PTPRD: variants seen among roughly 807,000 people sequenced by gnomAD.
The protein encoded by PTPRD is receptor-type tyrosine-protein phosphatase delta.
PTPRD carries 34 observed loss-of-function variants against 214.5 expected under a neutral mutation model. The observed-to-expected ratio is 0.16, with a 90% confidence interval of 0.12 to 0.21. The LOEUF (loss-of-function observed/expected upper bound fraction) is 0.21. Ranked by LOEUF, PTPRD falls within the 10% of genes least tolerant of loss-of-function variation. The pLI, the probability that PTPRD is intolerant of heterozygous loss-of-function variation, is 1.00. For missense variants in PTPRD, 2,545 were observed against 2,398.7 expected (o/e 1.06, Z -1.27); for synonymous variants, 1,128 against 845.7 (o/e 1.33, Z -5.79).
At chr9:9,499,143 G>A (rs1437497335) in intron 8 of PTPRD, among the ~76,000 whole-genome samples, 2 of 151,990 alleles carry the variant, frequency 1.3e-5, no homozygotes, top group Non-Finnish European at 1.5e-5. Context: ...AAATCCTATT[G>A]TTTCTCTTCA....
At chr9:10,485,671 C>A (rs1589236877) in intron 2 of PTPRD, among the ~76,000 whole-genome samples, 1 of 151,930 alleles carries the variant, frequency 6.6e-6, no homozygotes, top group Admixed American at 6.6e-5. Context: ...TCCCTTTTGG[C>A]ATATAGAAAT....
At chr9:10,496,600 C>A (rs1310654656) in intron 2 of PTPRD, among the ~76,000 whole-genome samples, 1 of 137,150 alleles carries the variant, frequency 7.3e-6, no homozygotes, top group Non-Finnish European at 1.6e-5. Context: ...CTTTTCTCTG[C>A]AGCCTCACCA....
At chr9:8,622,417 T>G (rs2095851514) in intron 14 of PTPRD, among the ~76,000 whole-genome samples, 1 of 151,970 alleles carries the variant, frequency 6.6e-6, no homozygotes, top group African/African-American at 2.4e-5. Context: ...CAAGGAGACA[T>G]TAGTTCTTAC....
chr9:9,995,982 T>G (rs997712362), intron 4 of PTPRD, among the ~76,000 whole-genome samples: 4 of 152,198 alleles, frequency 2.6e-5, no homozygotes, highest in Non-Finnish European at 4.4e-5. Flanking sequence ...AATTTCTTTT[T>G]TCTTTTATTC....
chr9:9,718,287 A>G (rs2097868827), intron 7 of PTPRD, among the ~76,000 whole-genome samples: 1 of 152,208 alleles, frequency 6.6e-6, no homozygotes, highest in Non-Finnish European at 1.5e-5. Context: ...CAGGAGTTTC[A>G]TGTTCATCTC....
chr9:8,661,683 G>T (rs1213526291), intron 12 of PTPRD, among the ~76,000 whole-genome samples: 1 of 151,580 alleles, frequency 6.6e-6, no homozygotes, highest in Non-Finnish European at 1.5e-5. Context: ...TCTGCCATAT[G>T]CTGAGAAAAG....
At chr9:9,236,109 C>T (rs542170591) in intron 9 of PTPRD, among the ~76,000 whole-genome samples, 1 of 151,980 alleles carries the variant, frequency 6.6e-6, no homozygotes, top group Non-Finnish European at 1.5e-5. Flanking sequence ...ACCAAAAATA[C>T]AAAAAAGTAG....
At chr9:9,308,112 A>AT (rs1368743651) in intron 9 of PTPRD, among the ~76,000 whole-genome samples, 1 of 152,174 alleles carries the variant, frequency 6.6e-6, no homozygotes, top group Admixed American at 6.6e-5. Flanking sequence ...TAACTGTGGC[A>AT]TTTTGAAGTA....
intron 11 of PTPRD, among the ~76,000 whole-genome samples, chr9:8,790,309 C>A (rs894576759): frequency 6.6e-6 from 1 of 152,092 alleles, no homozygotes; most frequent in South Asian, 2.1e-4. Flanking sequence ...AGCCGCTGCA[C>A]TTGGCCTCAT....
intron 5 of PTPRD, among the ~76,000 whole-genome samples, chr9:9,893,202 A>C (rs1418823993): frequency 1.3e-5 from 2 of 152,090 alleles, no homozygotes; most frequent in Non-Finnish European, 2.9e-5. Flanking sequence ...GTGACACTAC[A>C]AAGCAACCAC....
At chr9:9,376,803 G>T (rs1275966567) in intron 9 of PTPRD, among the ~76,000 whole-genome samples, 1 of 151,924 alleles carries the variant, frequency 6.6e-6, no homozygotes, top group African/African-American at 2.4e-5. Flanking sequence ...AGAAAGGCGG[G>T]ATCCAATGAA....
intron 11 of PTPRD, among the ~76,000 whole-genome samples, chr9:8,894,907 A>G (rs1001992968): frequency 6.6e-6 from 1 of 152,206 alleles, no homozygotes; most frequent in African/African-American, 2.4e-5. Flanking sequence ...GAGAGAGACA[A>G]CACACAATTT....
chr9:9,317,424 T>C (rs559474833), intron 9 of PTPRD, among the ~76,000 whole-genome samples: 2 of 152,270 alleles, frequency 1.3e-5, no homozygotes, highest in East Asian at 3.9e-4. Context: ...CCTTCTCAAT[T>C]TTCTATGTGG....
intron 9 of PTPRD, among the ~76,000 whole-genome samples, chr9:9,383,411 G>C (rs1284259760): frequency 1.3e-5 from 2 of 152,038 alleles, no homozygotes; most frequent in Admixed American, 1.3e-4. Flanking sequence ...ATCCTTAAGA[G>C]AATTTGTATA....
chr9:8,463,782 C>G (rs1044053371), intron 32 of PTPRD, among the ~76,000 whole-genome samples: 3 of 151,758 alleles, frequency 2.0e-5, no homozygotes, highest in African/African-American at 7.3e-5. Flanking sequence ...TTGAGAGGGA[C>G]GGAGAAGTAT....
chr9:8,609,061 A>C (rs1383684393), intron 14 of PTPRD, among the ~76,000 whole-genome samples: 1 of 152,230 alleles, frequency 6.6e-6, no homozygotes, highest in African/African-American at 2.4e-5. Flanking sequence ...ACAACCATCA[A>C]CAAAAACAAA....
At chr9:9,863,835 G>T (rs1264423765) in intron 5 of PTPRD, among the ~76,000 whole-genome samples, 6 of 140,190 alleles carry the variant, frequency 4.3e-5, no homozygotes, top group African/African-American at 1.8e-4. Context: ...CATGCAGGAC[G>T]GAAAAAAAAA....
At chr9:9,432,742 T>A (rs957482965) in intron 8 of PTPRD, among the ~76,000 whole-genome samples, 6 of 152,210 alleles carry the variant, frequency 3.9e-5, no homozygotes, top group Admixed American at 2.0e-4. Context: ...TAATGAATAA[T>A]GAAGCCACTT....
chr9:10,282,490 T>C (rs1487023387), intron 3 of PTPRD, among the ~76,000 whole-genome samples: 1 of 152,146 alleles, frequency 6.6e-6, no homozygotes, highest in African/African-American at 2.4e-5. Context: ...AGGGTACTTA[T>C]TTTATTATTC....
Sources: allele counts gnomAD v4.1 joint callset (sites outside exome capture counted in the v4.1 genomes callset), GRCh38; gene constraint gnomAD v4.1.1; transcripts MANE v1.5; gene names NCBI Gene and HGNC (gene_info 2026-07-23, HGNC 2026-07-21).